Variants in PACRG observed in about 807,000 individuals in gnomAD.
PACRG encodes parkin coregulated gene protein.
In PACRG, 29 loss-of-function variants were observed where a neutral mutation model predicts 29.7. That is an observed-to-expected ratio of 0.98 (90% CI 0.73 to 1.33). The LOEUF (loss-of-function observed/expected upper bound fraction) is 1.33, where lower values mean the gene tolerates loss of function less well. PACRG is among the 40% of genes most tolerant of loss of function. PACRG has a pLI of 0.00. For missense variants in PACRG, 279 were observed against 316.2 expected (o/e 0.88, Z 0.89); for synonymous variants, 116 against 118.7 (o/e 0.98, Z 0.15).
chr6:163,148,886 T>C (rs1777923369), intron 4 of PACRG, among the ~76,000 whole-genome samples: 1 of 145,538 alleles, frequency 6.9e-6, no homozygotes, highest in African/African-American at 2.5e-5. Context: ...CATAACTGGC[T>C]GCTGCACAAC....
intron 4 of PACRG, among the ~76,000 whole-genome samples, chr6:163,186,649 G>A (rs1465672373): frequency 2.0e-5 from 3 of 152,148 alleles, no homozygotes; most frequent in East Asian, 3.9e-4. Flanking sequence ...CAGTGGAGCC[G>A]TCGCGTGCAG....
chr6:162,866,813 A>G (rs892197197), intron 2 of PACRG, among the ~76,000 whole-genome samples: 5 of 152,148 alleles, frequency 3.3e-5, no homozygotes, highest in Non-Finnish European at 5.9e-5. Context: ...AGTGCACCCA[A>G]CCGAACCAAA....
At chr6:163,170,406 C>G (rs1362754613) in intron 4 of PACRG, 3 of 152,162 alleles carry the variant, frequency 2.0e-5, no homozygotes, top group Non-Finnish European at 4.4e-5. Flanking sequence ...GGACTCACCC[C>G]TGCTGAACAT....
chr6:163,117,421 A>G (rs1238054249), intron 4 of PACRG, among the ~76,000 whole-genome samples: 1 of 152,192 alleles, frequency 6.6e-6, no homozygotes, highest in East Asian at 1.9e-4. Flanking sequence ...AGGAAATCAG[A>G]AAGGTCATGA....
chr6:163,266,822 C>A (rs1783543871), intron 4 of PACRG, among the ~76,000 whole-genome samples: 1 of 152,188 alleles, frequency 6.6e-6, no homozygotes, highest in African/African-American at 2.4e-5. Flanking sequence ...AAATGTCAGG[C>A]TCCTGCTCTA....
rs1032733781 is a variant in PACRG at position 163,192,842 on chromosome 6, A to G, written c.613+103434A>G. On this transcript the variant is annotated intron_variant, in intron 4 of 4. Coordinates refer to ENST00000366888, the MANE Select transcript of PACRG (RefSeq NM_001080379.2). ...TGTCAAGGGTTGGACAGGTGCAGAC[A>G]TCTGTGACGTCCTGCAGTAGGCAGC... is the stretch of plus-strand genomic sequence containing the variant. 3.9e-5 allele frequency among the ~76,000 whole-genome samples: 6 copies of G among 152,314 alleles called. 1 individual carries two copies. The highest frequency in any genetic ancestry group is 3.9e-4 in the Admixed American group (6 of 15,304).
chr6:163,122,511 C>G (rs553299628), intron 4 of PACRG, among the ~76,000 whole-genome samples: 1 of 152,238 alleles, frequency 6.6e-6, no homozygotes, highest in African/African-American at 2.4e-5. Flanking sequence ...GCTGTTCCCA[C>G]AAGAGCTGTT....
intron 2 of PACRG, among the ~76,000 whole-genome samples, chr6:163,056,064 C>T (rs1162143992): frequency 6.6e-6 from 1 of 152,210 alleles, no homozygotes; most frequent in African/African-American, 2.4e-5. Context: ...CAGGAAATAC[C>T]ATTTCACACA....
intron 4 of PACRG, among the ~76,000 whole-genome samples, chr6:163,202,747 A>G (rs1295807386): frequency 6.6e-6 from 1 of 152,194 alleles, no homozygotes; most frequent in African/African-American, 2.4e-5. Context: ...AAAGTAATAA[A>G]TATGCAATTT....
intron 2 of PACRG, among the ~76,000 whole-genome samples, chr6:162,971,660 G>A (rs560021127): frequency 6.6e-6 from 1 of 152,286 alleles, no homozygotes; most frequent in East Asian, 1.9e-4. Flanking sequence ...GAGTCAAAAG[G>A]AAAGCAACCT....
In PACRG at chr6:162,947,636, A is replaced by ATATATG. The variant is rs1799333963; in HGVS notation, c.292-114509_292-114508insGTATAT. ...CATATATATATATATATATATATATATATATATATATACACCCAAAGATTC... is the reference window on the plus strand; with the variant it reads ...CATATATATATATATATATATATATATATATGTATATATATATACACCCAAAGATTC... On this transcript the variant is annotated intron_variant, in intron 2 of 4. Transcript: ENST00000366888. Among the ~76,000 whole-genome samples the ATATATG allele has an allele frequency of 5.0e-5, 4 of 79,680 alleles. 1 individual carries two copies. Among genetic ancestry groups the ATATATG allele is most frequent in the Non-Finnish European group, 2.4e-5 (1 of 41,602 alleles). 52.3% of individuals were successfully genotyped at this position (79,680 alleles called of 152,430 possible).
chr6:163,280,413 GCACCACCC>G (rs1317634204), intron 4 of PACRG, among the ~76,000 whole-genome samples: 1,697 of 152,248 alleles, frequency 0.011, 33 homozygotes, highest in African/African-American at 0.039. Flanking sequence ...GTTATACTGT[GCACCACCC>G]CATAGGCACA....
chr6:163,293,856 T>TA (rs747080389), intron 4 of PACRG, among the ~76,000 whole-genome samples: 82 of 151,444 alleles, frequency 5.4e-4, no homozygotes, highest in South Asian at 4.4e-3. Context: ...ATCATAAATA[T>TA]AAAAAAAAAC....
chr6:163,083,848 T>C (rs1022152428), intron 3 of PACRG, among the ~76,000 whole-genome samples: 2 of 152,188 alleles, frequency 1.3e-5, no homozygotes, highest in Non-Finnish European at 2.9e-5. Flanking sequence ...AATGTTTCCT[T>C]TTTTCCTGAT....
intron 1 of PACRG, among the ~76,000 whole-genome samples, chr6:162,802,975 G>A (rs1039350258): frequency 7.2e-5 from 11 of 151,978 alleles, no homozygotes; most frequent in Non-Finnish European, 1.0e-4. Flanking sequence ...AAAGTTGCCC[G>A]TTTCCATAGA....
chr6:163,313,575 T>C (rs1421513095), intron 4 of PACRG, among the ~76,000 whole-genome samples: 2 of 152,212 alleles, frequency 1.3e-5, no homozygotes, highest in African/African-American at 4.8e-5. Flanking sequence ...ACACCATTTT[T>C]CCCTCTATTA....
intron 4 of PACRG, among the ~76,000 whole-genome samples, chr6:163,161,422 A>G (rs944409467): frequency 6.6e-6 from 1 of 152,162 alleles, no homozygotes; most frequent in African/African-American, 2.4e-5. Context: ...AACATGCCAT[A>G]TTAGGGCATT....
chr6:162,735,982 A>C lies in PACRG; in HGVS notation c.156+7591A>C, dbSNP rs570315414. Among the ~76,000 whole-genome samples, 22 of 152,342 alleles carry C rather than the reference A, an allele frequency of 1.4e-4. No homozygotes were observed. In the South Asian group the frequency reaches 3.7e-3, roughly 26 times the overall value. On this transcript the variant is annotated intron_variant, in intron 1 of 4. Coordinates refer to ENST00000366888, the MANE Select transcript of PACRG (RefSeq NM_001080379.2). ...AAAAGAAGCATCAATTTTGTCATTC[A>C]TAAGAGTCAGTATATTTATCAATGG...
At chr6:163,300,648 T>G (rs1784953037) in intron 4 of PACRG, among the ~76,000 whole-genome samples, 1 of 152,232 alleles carries the variant, frequency 6.6e-6, no homozygotes. Context: ...AACACATGTA[T>G]TAAGTGCCTT....
Sources: allele counts gnomAD v4.1 joint callset (sites outside exome capture counted in the v4.1 genomes callset), GRCh38; gene constraint gnomAD v4.1.1; transcripts MANE v1.5; gene names NCBI Gene and HGNC (gene_info 2026-07-23, HGNC 2026-07-21).